The following SPIDR variants were observed in gnomAD, a reference collection of about 807,000 sequenced individuals.
The protein encoded by SPIDR is scaffold protein involved in DNA repair, also known as DNA repair-scaffolding protein.
Under a neutral mutation model 104.6 loss-of-function variants are expected in SPIDR, and 93 were observed. That is an observed-to-expected ratio of 0.89 (90% CI 0.75 to 1.06). The LOEUF (loss-of-function observed/expected upper bound fraction) is 1.06, where lower values mean the gene tolerates loss of function less well. Ranked by LOEUF, SPIDR falls within the 50% of genes least tolerant of loss-of-function variation. The pLI is 0.00. For missense variants in SPIDR, 1,154 were observed against 1,111.2 expected (o/e 1.04, Z -0.55); for synonymous variants, 431 against 416.9 (o/e 1.03, Z -0.41).
chr8:47,319,849 G>A (rs941879940), intron 5 of SPIDR, among the ~76,000 whole-genome samples: 4 of 151,890 alleles, frequency 2.6e-5, no homozygotes, highest in Non-Finnish European at 5.9e-5. Flanking sequence ...AATGACTACT[G>A]GGTACATAAC....
chr8:47,679,423 C>T (rs1375170275), intron 11 of SPIDR, among the ~76,000 whole-genome samples: 2 of 151,058 alleles, frequency 1.3e-5, no homozygotes, highest in East Asian at 2.0e-4. Flanking sequence ...TCCCCCGCCC[C>T]CTCCAGTGCT....
intron 8 of SPIDR, among the ~76,000 whole-genome samples, chr8:47,464,025 A>G (rs1254897441): frequency 6.6e-6 from 1 of 152,114 alleles, no homozygotes; most frequent in Non-Finnish European, 1.5e-5. Flanking sequence ...GGCAAGAAAA[A>G]GAAAAGAATC....
chr8:47,467,574 T>C (rs190786482), intron 8 of SPIDR, among the ~76,000 whole-genome samples: 210 of 152,278 alleles, frequency 1.4e-3, no homozygotes, highest in Admixed American at 4.2e-3. Context: ...AATCAATAAA[T>C]GTGATCCATT....
At chr8:47,483,218 T>G (rs543251421) in intron 8 of SPIDR, among the ~76,000 whole-genome samples, 2 of 152,242 alleles carry the variant, frequency 1.3e-5, no homozygotes, top group Non-Finnish European at 2.9e-5. Flanking sequence ...TTTAAAACTT[T>G]CTTTTATTCT....
chr8:47,712,891 A>G lies in SPIDR; in HGVS notation c.2188+19A>G. 1 of 1,613,552 alleles carries G rather than the reference A, an allele frequency of 6.2e-7. No individual in the cohort carries two copies. The highest frequency in any genetic ancestry group is 8.5e-7 in the Non-Finnish European group (1 of 1,179,966). ...GACCAGGGTGTGCTTGCGTCTCCAC[A>G]GCTTTGATGCAGGGGCGACTGATCC... On this transcript the variant is annotated intron_variant, in intron 15 of 19. Transcript: ENST00000297423.
chr8:47,697,079 A>G (rs139947043), intron 11 of SPIDR, among the ~76,000 whole-genome samples: 6 of 152,188 alleles, frequency 3.9e-5, no homozygotes, highest in South Asian at 2.1e-4. Context: ...TCCTTACTCT[A>G]TCTCTCTTGA....
At chr8:47,273,899 G>A (rs904150259) in intron 1 of SPIDR, among the ~76,000 whole-genome samples, 3 of 152,140 alleles carry the variant, frequency 2.0e-5, no homozygotes, top group African/African-American at 7.2e-5. Context: ...CTGTTAAAGT[G>A]TTTTTATAAA....
intron 5 of SPIDR, among the ~76,000 whole-genome samples, chr8:47,390,852 G>A (rs950884540): frequency 2.6e-5 from 4 of 152,096 alleles, no homozygotes; most frequent in African/African-American, 4.8e-5. Flanking sequence ...AATCTGTCTT[G>A]TTCCAAAACT....
intron 8 of SPIDR, among the ~76,000 whole-genome samples, chr8:47,469,340 C>A (rs1476113867): frequency 6.6e-6 from 1 of 152,136 alleles, no homozygotes; most frequent in East Asian, 1.9e-4. Context: ...TCAGAACTCT[C>A]ATTTGACTCA....
intron 8 of SPIDR, among the ~76,000 whole-genome samples, chr8:47,532,335 C>T (rs1048503313): frequency 6.6e-6 from 1 of 152,126 alleles, no homozygotes; most frequent in African/African-American, 2.4e-5. Context: ...TCCCAAAGTG[C>T]TGGGATTATA....
intron 10 of SPIDR, among the ~76,000 whole-genome samples, chr8:47,606,949 A>G (rs534180281): frequency 6.6e-6 from 1 of 152,338 alleles, no homozygotes; most frequent in South Asian, 2.1e-4. Context: ...CCTGAAGGGA[A>G]GACAGCTCCC....
At chr8:47,690,945 G>A (rs2078553264) in intron 11 of SPIDR, among the ~76,000 whole-genome samples, 1 of 152,132 alleles carries the variant, frequency 6.6e-6, no homozygotes, top group Non-Finnish European at 1.5e-5. Context: ...CTTAATTTCA[G>A]ATGTGTGTTT....
At chr8:47,405,273 C>T (rs2062571321) in intron 6 of SPIDR, among the ~76,000 whole-genome samples, 1 of 150,490 alleles carries the variant, frequency 6.6e-6, no homozygotes, top group Admixed American at 6.6e-5. Context: ...TTAACGGGTG[C>T]AGCACACCAA....
intron 6 of SPIDR, 59 bp from the exon 7 acceptor site, chr8:47,407,802 C>G: frequency 9.9e-7 from 1 of 1,011,158 alleles, no homozygotes; most frequent in African/African-American, 1.6e-5. Context: ...TATAAATGTT[C>G]CAGTGATTCT....
chr8:47,574,029 C>G (rs2058810015), intron 8 of SPIDR, among the ~76,000 whole-genome samples: 1 of 152,216 alleles, frequency 6.6e-6, no homozygotes, highest in Non-Finnish European at 1.5e-5. Flanking sequence ...CAGCCTTGCA[C>G]ATTTATCTAT....
At chr8:47,376,790 A>G (rs182721577) in intron 5 of SPIDR, among the ~76,000 whole-genome samples, 1 of 152,330 alleles carries the variant, frequency 6.6e-6, no homozygotes, top group African/African-American at 2.4e-5. Context: ...TTCCTTAAAA[A>G]AAAAAATTTT....
intron 10 of SPIDR, among the ~76,000 whole-genome samples, chr8:47,647,352 C>T (rs763337366): frequency 6.6e-5 from 10 of 152,154 alleles, no homozygotes; most frequent in African/African-American, 1.4e-4. Flanking sequence ...CAGTGGCTCA[C>T]GCCTGTAATC....
intron 5 of SPIDR, among the ~76,000 whole-genome samples, chr8:47,299,131 G>A (rs1189616444): frequency 1.3e-5 from 2 of 152,036 alleles, no homozygotes; most frequent in Non-Finnish European, 2.9e-5. Context: ...TTATTTCATT[G>A]AGCAGTGGTT....
intron 5 of SPIDR, among the ~76,000 whole-genome samples, chr8:47,368,259 A>G (rs1244345852): frequency 2.8e-5 from 4 of 142,252 alleles, no homozygotes; most frequent in Non-Finnish European, 6.1e-5. Context: ...ATTAGTTTCA[A>G]TGTACAAGTT....
Sources: allele counts gnomAD v4.1 joint callset (sites outside exome capture counted in the v4.1 genomes callset), GRCh38; gene constraint gnomAD v4.1.1; transcripts MANE v1.5; gene names NCBI Gene and HGNC (gene_info 2026-07-23, HGNC 2026-07-21).